ANKRD28: variants seen among roughly 807,000 people sequenced by gnomAD.
The protein encoded by ANKRD28 is serine/threonine-protein phosphatase 6 regulatory ankyrin repeat subunit A.
In ANKRD28, 44 loss-of-function variants were observed where a neutral mutation model predicts 126.5. The ratio of observed to expected loss-of-function variants is 0.35; its 90% CI spans 0.27 to 0.45. The LOEUF (loss-of-function observed/expected upper bound fraction) is 0.45. Ranked by LOEUF, ANKRD28 falls within the 20% of genes least tolerant of loss-of-function variation. The pLI, the probability that ANKRD28 is intolerant of heterozygous loss-of-function variation, is 1.00. For synonymous variants in ANKRD28, 442 were observed against 468.5 expected (o/e 0.94, Z 0.73); for missense variants, 1,110 against 1,316.6 (o/e 0.84, Z 2.43).
chr3:15,714,551 C>CAAA, intron 9 of ANKRD28, 27 bp downstream of exon 9: 20 of 1,119,704 alleles, frequency 1.8e-5, no homozygotes, highest in South Asian at 7.1e-5. Flanking sequence ...AAAAAAACCC[C>CAAA]AAAAAAAAAA....
intron 8 of ANKRD28, among the ~76,000 whole-genome samples, chr3:15,720,704 T>C (rs1342235436): frequency 2.0e-5 from 3 of 152,074 alleles, no homozygotes; most frequent in Non-Finnish European, 4.4e-5. Context: ...GAACCCCATA[T>C]AAATGGAATT....
At chr3:15,678,464 A>G in intron 23 of ANKRD28, 110 bp from the exon 24 acceptor site, 1 of 975,134 alleles carries the variant, frequency 1.0e-6, no homozygotes. Context: ...ATATTAGGCT[A>G]CAAAAGCACT....
intron 3 of ANKRD28, among the ~76,000 whole-genome samples, chr3:15,764,933 A>T (rs553864683): frequency 1.3e-5 from 2 of 152,298 alleles, no homozygotes; most frequent in Admixed American, 1.3e-4. Context: ...GGTATTTTTT[A>T]AAAATCCAAC....
At chr3:15,804,174 CT>C (rs1272641763) in intron 1 of ANKRD28, among the ~76,000 whole-genome samples, 1 of 143,610 alleles carries the variant, frequency 7.0e-6, no homozygotes, top group Non-Finnish European at 1.5e-5. Context: ...CCTTATGCAA[CT>C]TAAATAGGGC....
At position 15,830,843 on chromosome 3, in the gene ANKRD28, T is replaced by A. The variant is rs2061173050; in HGVS notation, c.27+28534A>T. Among the ~76,000 whole-genome samples the A allele has an allele frequency of 6.6e-6, 1 of 152,076 alleles. No homozygotes were observed. The highest frequency in any genetic ancestry group is 1.5e-5 in the Non-Finnish European group (1 of 68,020). ...TAAGTCACGGAGTATCAGCTTGACCTCTGGAGGGGATGGAGACTAACATCA... is the reference window on the plus strand; with the variant it reads ...TAAGTCACGGAGTATCAGCTTGACCACTGGAGGGGATGGAGACTAACATCA... On this transcript the variant is annotated intron_variant, in intron 1 of 27. Coordinates refer to the ANKRD28 transcript ENST00000399451. This position sits in a 1 kb window ranked among gnomAD's most constrained non-coding sequence, Gnocchi z 4.5.
At chr3:15,772,681 T>G (rs915262673) in intron 2 of ANKRD28, among the ~76,000 whole-genome samples, 1 of 152,120 alleles carries the variant, frequency 6.6e-6, no homozygotes, top group African/African-American at 2.4e-5. Context: ...TTTAAAAAAA[T>G]TATTTATTTA....
In ANKRD28 at chr3:15,853,520, A is replaced by C. The variant is rs2061697429; in HGVS notation, c.27+5857T>G. On this transcript the variant is annotated intron_variant, in intron 1 of 27. Coordinates refer to the ANKRD28 transcript ENST00000399451. This position sits in a 1 kb window ranked among gnomAD's most constrained non-coding sequence, Gnocchi z 4.2. The stretch of plus-strand genomic sequence containing the variant: ...AGTCTCATTCTGTCGCCCAGGCTGG[A>C]GTGCAGTAGTACGATTCTGGCTCAC... Among the ~76,000 whole-genome samples, 1 of 151,908 alleles carries C rather than the reference A, an allele frequency of 6.6e-6. No homozygotes were observed. The highest frequency in any genetic ancestry group is 1.5e-5 in the Non-Finnish European group (1 of 67,986).
chr3:15,718,117 T>A (rs2073285822), intron 8 of ANKRD28, among the ~76,000 whole-genome samples: 1 of 152,204 alleles, frequency 6.6e-6, no homozygotes, highest in South Asian at 2.1e-4. Flanking sequence ...TTGTCAGGAA[T>A]GAATATATAT....
chr3:15,811,116 A>C (rs1182977493), intron 1 of ANKRD28, among the ~76,000 whole-genome samples: 2 of 152,228 alleles, frequency 1.3e-5, no homozygotes, highest in African/African-American at 4.8e-5. Context: ...ACAGAAAAGG[A>C]AATAACAGCA....
At chr3:15,743,556 A>ACG (rs2057263129) in intron 4 of ANKRD28, among the ~76,000 whole-genome samples, 1 of 135,778 alleles carries the variant, frequency 7.4e-6, no homozygotes, top group African/African-American at 3.0e-5. Context: ...ACACACACAC[A>ACG]CACACACACA....
chr3:15,720,727 G>A (rs2073636655), intron 8 of ANKRD28, among the ~76,000 whole-genome samples, 188 bp downstream of exon 8: 1 of 151,956 alleles, frequency 6.6e-6, no homozygotes, highest in African/African-American at 2.4e-5. Flanking sequence ...ATTGGTTCTA[G>A]AACCTTACAT....
rs190969530 is a variant in ANKRD28, at chr3:15,854,922, G to A, written c.27+4455C>T. On this transcript the variant is annotated intron_variant, in intron 1 of 27. Coordinates refer to the ANKRD28 transcript ENST00000399451. This position sits in a 1 kb window ranked among gnomAD's most constrained non-coding sequence, Gnocchi z 4.1. ...AAATTAGCTGGGTGTGGTGGTGGGC[G>A]CCTGTAGTCCCAGCTACTAGGGAGG... is the stretch of plus-strand genomic sequence containing the variant. Among the ~76,000 whole-genome samples, 26 of 152,252 alleles carry A rather than the reference G, an allele frequency of 1.7e-4. No individual in the cohort carries two copies. In the East Asian group the frequency reaches 2.5e-3, roughly 15 times the overall value.
At chr3:15,701,879 G>A (rs2070683518) in intron 14 of ANKRD28, among the ~76,000 whole-genome samples, 1 of 152,008 alleles carries the variant, frequency 6.6e-6, no homozygotes, top group South Asian at 2.1e-4. Context: ...CTGGGATGCA[G>A]AAAAAGCCTG....
exon 1 of ANKRD28, chr3:15,859,429 G>GCCC (rs1559606741): frequency 2.0e-6 from 3 of 1,512,998 alleles, no homozygotes; most frequent in Non-Finnish European, 2.6e-6. Flanking sequence ...GCCCACTCCA[G>GCCC]CCTCCTCCTC....
rs568328216 is a variant in ANKRD28, at chr3:15,838,917, T to C, written c.27+20460A>G. On this transcript the variant is annotated intron_variant, in intron 1 of 27. Coordinates refer to the ANKRD28 transcript ENST00000399451. The surrounding 1 kb of genome is among the most constrained non-coding windows in gnomAD (Gnocchi z 4.0). Reference sequence around the variant, plus strand: ...TATGTGATATATCCATACAATGGAATACTATTCAGCAACGAAGAACCAATT... The same window carrying C: ...TATGTGATATATCCATACAATGGAACACTATTCAGCAACGAAGAACCAATT... Among the ~76,000 whole-genome samples, 1 of 152,120 alleles carries C rather than the reference T, an allele frequency of 6.6e-6. No homozygotes were observed. The highest frequency in any genetic ancestry group is 6.5e-5 in the Admixed American group (1 of 15,290).
In ANKRD28 at chr3:15,712,245, G is replaced by A. The variant is rs76592310; in HGVS notation, c.1191-23C>T. On this transcript the variant is annotated intron_variant, in intron 10 of 27. Coordinates refer to ENST00000683139, the MANE Select transcript of ANKRD28 (RefSeq NM_001349278.2). ...CGCCTAAAGTTAATAGAACAGGACA[G>A]TATCTTCATTTTAACACAAGAAAAA... 3.4e-3 allele frequency: 5,215 copies of A among 1,526,462 alleles called. 142 individuals carry two copies. In the African/African-American group the frequency reaches 0.061, roughly 18 times the overall value. 94.6% of individuals were successfully genotyped at this position (1,526,462 alleles called of 1,614,324 possible).
In ANKRD28 at chr3:15,685,421, C is replaced by T. The variant is rs770719343; in HGVS notation, c.2194G>A (p.Val732Ile). 3 of 1,614,002 alleles carry T rather than the reference C, an allele frequency of 1.9e-6. No individual in the cohort carries two copies. The highest frequency in any genetic ancestry group is 2.2e-5 in the East Asian group (1 of 44,888). The change falls in exon 21 of 28, where the codon GTA becomes ATA. Residue 732 changes from valine to isoleucine, a missense_variant. Coordinates refer to ENST00000683139, the MANE Select transcript of ANKRD28 (RefSeq NM_001349278.2). ...RGAVTGHEEC[V>I]DALLQHGAKC... Reference sequence around the variant, plus strand: ...GCACCATGTTGAAGTAATGCATCTACACATTCTTCATGGCCTGTAACTGCC... The same window carrying T: ...GCACCATGTTGAAGTAATGCATCTATACATTCTTCATGGCCTGTAACTGCC...
chr3:15,690,184 C>T lies in ANKRD28; in HGVS notation c.1798G>A (p.Val600Ile). 6.2e-7 allele frequency: 1 copy of T among 1,606,640 alleles called. No individual in the cohort carries two copies. The highest frequency in any genetic ancestry group is 8.5e-7 in the Non-Finnish European group (1 of 1,176,192). The change falls in exon 18 of 28, where the codon GTA becomes ATA. Residue 600 changes from valine to isoleucine, a missense_variant. Val to Ile is a conservative substitution (Grantham distance 29, BLOSUM62 3). Coordinates refer to ENST00000683139, the MANE Select transcript of ANKRD28 (RefSeq NM_001349278.2). ...ACATCAAGATCTAACAAAGACTGTA[C>T]CAACACTTCCAGTGCTTGATGGTGA... ...HGHHQALEVLVQSLLDLDVRN... is the reference protein window; with the variant it reads ...HGHHQALEVLIQSLLDLDVRN...
chr3:15,724,406 C>T lies in ANKRD28; in HGVS notation c.759G>A (p.Lys253=), dbSNP rs1490641229. Residue 253 remains lysine (K), a synonymous_variant, in exon 7 of 28, where the codon AAG becomes AAA. Transcript: ENST00000683139. ...CATCAACTCCAAGATCTAGAAGGTACTTGACTACGCTGATCATTCCACTAG... is the reference window on the plus strand; with the variant it reads ...CATCAACTCCAAGATCTAGAAGGTATTTGACTACGCTGATCATTCCACTAG... ...AASSGMISVV[K]YLLDLGVDMN... 6.2e-6 allele frequency: 10 copies of T among 1,606,880 alleles called. No individual in the cohort carries two copies. The highest frequency in any genetic ancestry group is 8.5e-6 in the Non-Finnish European group (10 of 1,176,336).
Sources: gnomAD v4.1 joint callset for allele counts (sites outside exome capture counted in the v4.1 genomes callset) on GRCh38, gnomAD v4.1.1 for gene constraint, Gnocchi (gnomAD v3.1) non-coding constraint, MANE v1.5 for transcripts, NCBI Gene and HGNC (gene_info 2026-07-23, HGNC 2026-07-21) for gene names.